ZNF8: variants seen among roughly 807,000 people sequenced by gnomAD.
ZNF8 encodes zinc finger protein 8.
ZNF8 carries 9 observed loss-of-function variants against 12.2 expected under a neutral mutation model. That is an observed-to-expected ratio of 0.73 (90% CI 0.44 to 1.28). The LOEUF (loss-of-function observed/expected upper bound fraction) is 1.28, where lower values mean the gene tolerates loss of function less well. ZNF8 is among the 50% of genes most tolerant of loss of function. ZNF8 has a pLI of 0.00. For synonymous variants in ZNF8, 274 were observed against 282.3 expected, an observed-to-expected ratio of 0.97 and a Z score of 0.30; for missense variants, 664 against 729.1, an observed-to-expected ratio of 0.91 and a Z score of 1.03.
intron 1 of ZNF8, 62 bp downstream of exon 1, chr19:58,279,209 A>C: frequency 1.3e-6 from 2 of 1,539,236 alleles, no homozygotes; most frequent in Admixed American, 2.0e-5. Flanking sequence ...GCGCAGACTG[A>C]CCCTTTCACC....
rs1966287089 is a variant in ZNF8, at chr19:58,298,574, C to T, written c.*3038C>T. Reference sequence around the variant, plus strand: ...TCATGACCTCAAGTAATCTGCCCGCCTCAGTCTCCCAAAATGCTGGCATTA... The same window carrying T: ...TCATGACCTCAAGTAATCTGCCCGCTTCAGTCTCCCAAAATGCTGGCATTA... On this transcript the variant is annotated 3_prime_UTR_variant, in exon 4 of 4. Transcript: ENST00000621650. The T allele has an allele frequency of 6.6e-6, 1 of 152,112 alleles. No individual in the cohort carries two copies. The highest frequency in any genetic ancestry group is 1.5e-5 in the Non-Finnish European group (1 of 68,036). 9.4% of individuals were successfully genotyped at this position (152,112 alleles called of 1,614,324 possible). A position where few individuals can be genotyped will look rare whatever the true frequency, so the allele number is the denominator to read the frequency against.
rs1215269747 is a variant in ZNF8 at position 58,296,546 on chromosome 19, C to T, written c.*1010C>T. 1 of 152,162 alleles carries T rather than the reference C, an allele frequency of 6.6e-6. No homozygotes were observed. The highest frequency in any genetic ancestry group is 1.5e-5 in the Non-Finnish European group (1 of 68,080). 9.4% of individuals were successfully genotyped at this position (152,162 alleles called of 1,614,324 possible). A position where few individuals can be genotyped will look rare whatever the true frequency, so the allele number is the denominator to read the frequency against. Reference sequence around the variant, plus strand: ...AGTAGCTGGGATTACACGCACCTGCCACCACGCCCAGCTAATTTTTGTATT... The same window carrying T: ...AGTAGCTGGGATTACACGCACCTGCTACCACGCCCAGCTAATTTTTGTATT... On this transcript the variant is annotated 3_prime_UTR_variant, in exon 4 of 4. Coordinates refer to ENST00000621650, the MANE Select transcript of ZNF8 (RefSeq NM_021089.3).
At chr19:58,285,876 TTCTC>T in intron 2 of ZNF8, 33 bp downstream of exon 2, 1 of 1,582,816 alleles carries the variant, frequency 6.3e-7, no homozygotes, top group African/African-American at 1.3e-5. Context: ...TGATAGCTGA[TTCTC>T]TCTGGGTTAT....
rs1321103525 is a variant in ZNF8, at chr19:58,298,270, C to T, written c.*2734C>T. 2.6e-5 allele frequency: 4 copies of T among 151,886 alleles called. No homozygotes were observed. Among genetic ancestry groups the T allele is most frequent in the Non-Finnish European group, 4.4e-5 (3 of 68,074 alleles). 9.4% of individuals were successfully genotyped at this position (151,886 alleles called of 1,614,324 possible). On this transcript the variant is annotated 3_prime_UTR_variant, in exon 4 of 4. Transcript: ENST00000621650. Reference sequence around the variant, plus strand: ...GGTGTCGATCTTCTGACCTCATAATCCGCCCACCTCGGCCTCCCAAAGTGC... The same window carrying T: ...GGTGTCGATCTTCTGACCTCATAATTCGCCCACCTCGGCCTCCCAAAGTGC...
rs1365310626 is a variant in ZNF8 at position 58,296,339 on chromosome 19, G to T, written c.*803G>T. The T allele has an allele frequency of 6.6e-6, 1 of 152,188 alleles. No homozygotes were observed. Among genetic ancestry groups the T allele is most frequent in the Non-Finnish European group, 1.5e-5 (1 of 68,060 alleles). 9.4% of individuals were successfully genotyped at this position (152,188 alleles called of 1,614,324 possible). On this transcript the variant is annotated 3_prime_UTR_variant, in exon 4 of 4. Transcript: ENST00000621650. ...ACGAAATTTCACAGCATTCCGTGCA[G>T]GGGAGTGTCACAGCTCCTCTTGAAA...
Position 58,300,293 on chromosome 19 carries a change from G to A in ZNF8, c.*4757G>A, listed in dbSNP as rs1209681226. ...AGGCTGTCTTTTCAGTGGCTCAGCTGTGTCACAGTCGATGTTTTCTGCAAT... is the reference window on the plus strand; with the variant it reads ...AGGCTGTCTTTTCAGTGGCTCAGCTATGTCACAGTCGATGTTTTCTGCAAT... On this transcript the variant is annotated 3_prime_UTR_variant, in exon 4 of 4. Coordinates refer to ENST00000621650, the MANE Select transcript of ZNF8 (RefSeq NM_021089.3). 2.0e-5 allele frequency: 3 copies of A among 152,254 alleles called. No homozygotes were observed. The highest frequency in any genetic ancestry group is 4.4e-5 in the Non-Finnish European group (3 of 68,060). 9.4% of individuals were successfully genotyped at this position (152,254 alleles called of 1,614,324 possible). A position where few individuals can be genotyped will look rare whatever the true frequency, so the allele number is the denominator to read the frequency against.
rs1174165873 is a variant in ZNF8, at chr19:58,300,953, C to G, written c.*5417C>G. 1 of 152,446 alleles carries G rather than the reference C, an allele frequency of 6.6e-6. No homozygotes were observed. Among genetic ancestry groups the G allele is most frequent in the Non-Finnish European group, 1.5e-5 (1 of 68,226 alleles). 9.4% of individuals were successfully genotyped at this position (152,446 alleles called of 1,614,324 possible). On this transcript the variant is annotated 3_prime_UTR_variant, in exon 4 of 4. Coordinates refer to ENST00000621650, the MANE Select transcript of ZNF8 (RefSeq NM_021089.3). The stretch of plus-strand genomic sequence containing the variant: ...TCCTTCTAACTCTTCAGGGACTTCT[C>G]AACCTCCCGTCACCCTTCCTAAATG...
At chr19:58,292,583 C>G (rs190657647) in intron 3 of ZNF8, among the ~76,000 whole-genome samples, 9 of 152,306 alleles carry the variant, frequency 5.9e-5, no homozygotes, top group Admixed American at 4.6e-4. Flanking sequence ...AGTCACTCTC[C>G]GTCTTTCCCA....
chr19:58,283,599 CTT>C (rs34775791), intron 1 of ZNF8, among the ~76,000 whole-genome samples: 46 of 122,848 alleles, frequency 3.7e-4, no homozygotes, highest in Admixed American at 2.2e-3. Flanking sequence ...GAAATAAACT[CTT>C]TTTTTTTTTT....
In ZNF8 at chr19:58,302,281, T is replaced by G. The variant is rs745790362; in HGVS notation, c.*6745T>G. 7.9e-5 allele frequency: 12 copies of G among 152,130 alleles called. No homozygotes were observed. Among genetic ancestry groups the G allele is most frequent in the Non-Finnish European group, 1.8e-4 (12 of 68,016 alleles). 9.4% of individuals were successfully genotyped at this position (152,130 alleles called of 1,614,324 possible). On this transcript the variant is annotated 3_prime_UTR_variant, in exon 4 of 4. Transcript: ENST00000621650. ...GTTCTTTGTAGCAAAACTTGGAAAA[T>G]GCATAAAAGTAAAAAAAAAATGAAA...
Position 58,294,635 on chromosome 19 carries a change from A to G in ZNF8, c.827A>G (p.Lys276Arg), listed in dbSNP as rs749338250. 12 of 1,614,052 alleles carry G rather than the reference A, an allele frequency of 7.4e-6. No individual in the cohort carries two copies. The South Asian group carries it at 1.3e-4, about 18-fold the overall frequency. The change falls in exon 4 of 4, where the codon AAG becomes AGG. Residue 276 changes from lysine to arginine, a missense_variant. By Grantham distance (26) the Lys-to-Arg change is conservative. Around this residue, in one of 3 missense-constraint regions of ZNF8, gnomAD observed 133 missense variants for 198.4 expected, o/e 0.67. Coordinates refer to ENST00000621650, the MANE Select transcript of ZNF8 (RefSeq NM_021089.3). This position sits in a 1 kb window ranked among gnomAD's most constrained non-coding sequence, Gnocchi z 5.5. Reference protein sequence around the residue: ...FNHNAHLTVHKRIHTGERPYM... With the variant: ...FNHNAHLTVHRRIHTGERPYM... ...CATAACGCACACCTCACCGTGCACA[A>G]GAGGATTCATACGGGAGAAAGACCT...
chr19:58,286,357 C>G (rs2051383593), intron 3 of ZNF8, 152 bp downstream of exon 3: 1 of 626,536 alleles, frequency 1.6e-6, no homozygotes, highest in Non-Finnish European at 2.8e-6. Flanking sequence ...GCTGACAGCT[C>G]TCAGTATAAT....
rs2051466167 is a variant in ZNF8, at chr19:58,297,958, C to G, written c.*2422C>G. The G allele has an allele frequency of 6.6e-6, 1 of 152,050 alleles. No individual in the cohort carries two copies. The highest frequency in any genetic ancestry group is 6.5e-5 in the Admixed American group (1 of 15,272). The allele number at this position is 152,050 out of a possible 1,614,324, so 9.4% of individuals were successfully genotyped here. A position where few individuals can be genotyped will look rare whatever the true frequency, so the allele number is the denominator to read the frequency against. ...GGCAGTAGCCCTGAGGTTGGTTGTTCATATTCTTCTCCACTGGGAAATGCA... is the reference window on the plus strand; with the variant it reads ...GGCAGTAGCCCTGAGGTTGGTTGTTGATATTCTTCTCCACTGGGAAATGCA... On this transcript the variant is annotated 3_prime_UTR_variant, in exon 4 of 4. Coordinates refer to ENST00000621650, the MANE Select transcript of ZNF8 (RefSeq NM_021089.3).
Position 58,294,322 on chromosome 19 carries a change from G to A in ZNF8, c.514G>A (p.Gly172Ser). The change falls in exon 4 of 4, where the codon GGC becomes AGC. Residue 172 changes from glycine (G) to serine (S), a missense_variant. Transcript: ENST00000621650. The surrounding 1 kb of genome is among the most constrained non-coding windows in gnomAD (Gnocchi z 5.5). ...GLKEAPVQDQ[G>S]YKTLRLRENC... ...CAAGGAAGCACCAGTTCAAGATCAA[G>A]GCTACAAAACTCTCAGACTCAGGGA... The A allele has an allele frequency of 6.2e-7, 1 of 1,614,156 alleles. No individual in the cohort carries two copies. Among genetic ancestry groups the A allele is most frequent in the Non-Finnish European group, 8.5e-7 (1 of 1,180,036 alleles).
chr19:58,288,287 G>T (rs187684614), intron 3 of ZNF8, among the ~76,000 whole-genome samples: 1 of 152,098 alleles, frequency 6.6e-6, no homozygotes, highest in Non-Finnish European at 1.5e-5. Context: ...CATTTTTCTT[G>T]TAAAACAGGA....
intron 1 of ZNF8, among the ~76,000 whole-genome samples, chr19:58,282,908 G>A (rs943410753): frequency 1.3e-5 from 2 of 151,074 alleles, no homozygotes; most frequent in Non-Finnish European, 3.0e-5. Context: ...GATTACAGGC[G>A]TGAGCCACTG....
chr19:58,295,533 A>G lies in ZNF8; in HGVS notation c.1725A>G (p.Thr575=), dbSNP rs2051449184. 1 of 1,591,218 alleles carries G rather than the reference A, an allele frequency of 6.3e-7. No individual in the cohort carries two copies. The highest frequency in any genetic ancestry group is 8.6e-7 in the Non-Finnish European group (1 of 1,168,504). The change falls in exon 4 of 4, where the codon ACA becomes ACG. Residue 575 remains threonine, a synonymous_variant. Coordinates refer to ENST00000621650, the MANE Select transcript of ZNF8 (RefSeq NM_021089.3). The part of the protein sequence containing the change: ...ASMLFDIRES[T] Reference sequence around the variant, plus strand: ...TGTTATTTGACATCAGAGAATCCACATAGGAGAGAAACTTTGCTGATGACT... The same window carrying G: ...TGTTATTTGACATCAGAGAATCCACGTAGGAGAGAAACTTTGCTGATGACT...
intron 1 of ZNF8, chr19:58,279,691 G>A (rs2051335106): frequency 1.3e-6 from 2 of 1,530,548 alleles, no homozygotes; most frequent in South Asian, 2.4e-5. Context: ...GTGACCACCA[G>A]GGTCGTCCCC....
chr19:58,279,677 G>A, intron 1 of ZNF8: 6 of 1,532,632 alleles, frequency 3.9e-6, no homozygotes, highest in Non-Finnish European at 5.2e-6. Context: ...TGAGTGTGAT[G>A]AGAGTGACCA....
Sources: allele counts gnomAD v4.1 joint callset (sites outside exome capture counted in the v4.1 genomes callset), GRCh38; gene constraint gnomAD v4.1.1; regional missense constraint gnomAD v4.1.1; non-coding constraint Gnocchi (gnomAD v3.1); transcripts MANE v1.5; gene names NCBI Gene and HGNC (gene_info 2026-07-23, HGNC 2026-07-21).